The following CAMSAP2 variants were observed in gnomAD, a reference collection of about 807,000 sequenced individuals.
CAMSAP2 encodes calmodulin-regulated spectrin-associated protein 2.
CAMSAP2 carries 26 observed loss-of-function variants against 146.1 expected under a neutral mutation model. The ratio of observed to expected loss-of-function variants is 0.18; its 90% confidence interval spans 0.13 to 0.25. CAMSAP2 has a LOEUF of 0.25. CAMSAP2 is among the 10% of genes least tolerant of loss of function. The pLI, the probability that CAMSAP2 is intolerant of heterozygous loss-of-function variation, is 1.00. For synonymous variants in CAMSAP2, 499 were observed against 596.6 expected, an observed-to-expected ratio of 0.84 and a Z score of 2.38; for missense variants, 1,381 against 1,759.3, an observed-to-expected ratio of 0.78 and a Z score of 3.85.
chr1:200,849,277 T>A lies in CAMSAP2; in HGVS notation c.2508T>A (p.Asp836Glu). Residue 836 changes from aspartate (D) to glutamate (E), a missense_variant, in exon 11 of 17, where the codon GAT (aspartate) becomes GAA (glutamate). Transcript: ENST00000358823. The surrounding 1 kb of genome is among the most constrained non-coding windows in gnomAD (Gnocchi z 6.3). ...TDGQRSKSLA[D>E]IKESMENPQA... is the part of the protein sequence containing the mutation. Reference sequence around the variant, plus strand: ...GACAAAGGAGCAAGTCACTGGCAGATATAAAAGAGAGCATGGAGAATCCTC... The same window carrying A: ...GACAAAGGAGCAAGTCACTGGCAGAAATAAAAGAGAGCATGGAGAATCCTC... The A allele has an allele frequency of 6.2e-7, 1 of 1,613,872 alleles. No homozygotes were observed.
intron 11 of CAMSAP2, among the ~76,000 whole-genome samples, chr1:200,851,354 C>G (rs1195027866): frequency 6.6e-6 from 1 of 152,156 alleles, no homozygotes; most frequent in Non-Finnish European, 1.5e-5. Context: ...GCATGCACCA[C>G]AAAATAAATT....
At chr1:200,843,086 G>C (rs1667368068) in intron 7 of CAMSAP2, among the ~76,000 whole-genome samples, 1 of 151,950 alleles carries the variant, frequency 6.6e-6, no homozygotes. Context: ...ATAACTTATG[G>C]AAACATTTCT....
At position 200,739,756 on chromosome 1, in the gene CAMSAP2, C is replaced by G. The variant is rs773514721; in HGVS notation, c.-72C>G. 204 of 1,511,862 alleles carry G rather than the reference C, an allele frequency of 1.3e-4. No individual in the cohort carries two copies. The highest frequency in any genetic ancestry group is 1.8e-4 in the Non-Finnish European group (196 of 1,114,766). The allele number at this position is 1,511,862 out of a possible 1,614,324, so 93.7% of individuals were successfully genotyped here. A position where few individuals can be genotyped will look rare whatever the true frequency, so the allele number is the denominator to read the frequency against. ...TTTGAGCTTGCTTCTCCCTCCCTCC[C>G]GACCCCCGTGGTGGCGAGGCCACGC... On this transcript the variant is annotated 5_prime_UTR_variant, in exon 1 of 17. Coordinates refer to ENST00000358823, the MANE Select transcript of CAMSAP2 (RefSeq NM_203459.4). This position sits in a 1 kb window ranked among gnomAD's most constrained non-coding sequence, Gnocchi z 4.8.
intron 2 of CAMSAP2, among the ~76,000 whole-genome samples, chr1:200,795,853 G>T (rs1038517719): frequency 6.6e-6 from 1 of 152,062 alleles, no homozygotes. Context: ...CTAAAAATTT[G>T]GGCAGAATTA....
At chr1:200,842,894 T>C (rs1053439210) in intron 7 of CAMSAP2, among the ~76,000 whole-genome samples, 14 of 151,130 alleles carry the variant, frequency 9.3e-5, no homozygotes, top group African/African-American at 3.4e-4. Flanking sequence ...TAGAGTTACT[T>C]GAACCCAGGA....
chr1:200,786,809 G>A (rs573782360), intron 2 of CAMSAP2, among the ~76,000 whole-genome samples: 2 of 152,200 alleles, frequency 1.3e-5, no homozygotes, highest in African/African-American at 2.4e-5. Context: ...TGACTGTTTT[G>A]TTATGGGCTA....
intron 10 of CAMSAP2, 124 bp downstream of exon 10, chr1:200,847,833 G>A (rs1667500358): frequency 1.1e-6 from 1 of 936,736 alleles, no homozygotes; most frequent in Non-Finnish European, 1.6e-6. Context: ...TTTGAAAAAG[G>A]CAGTATAGGC....
At position 200,848,086 on chromosome 1, in the gene CAMSAP2, A is replaced by G; in HGVS notation, c.1317A>G (p.Val439=). ...TTTCTTTTGATAAAGAAGATAGTGTACAGAGATCCACTCCAAACCGAGGAA... is the reference window on the plus strand; with the variant it reads ...TTTCTTTTGATAAAGAAGATAGTGTGCAGAGATCCACTCCAAACCGAGGAA... The part of the protein sequence containing the change: ...FDISFDKEDS[V]QRSTPNRGIT... The change falls in exon 11 of 17, where the codon GTA becomes GTG. Residue 439 remains valine, a synonymous_variant. Coordinates refer to ENST00000358823, the MANE Select transcript of CAMSAP2 (RefSeq NM_203459.4). The G allele has an allele frequency of 6.2e-7, 1 of 1,602,720 alleles. No individual in the cohort carries two copies. The highest frequency in any genetic ancestry group is 2.2e-5 in the East Asian group (1 of 44,816).
chr1:200,772,852 A>G lies in CAMSAP2; in HGVS notation c.399+11754A>G, dbSNP rs555090239. Among the ~76,000 whole-genome samples, 26 of 152,324 alleles carry G rather than the reference A, an allele frequency of 1.7e-4. No individual in the cohort carries two copies. In the South Asian group the frequency reaches 4.8e-3, roughly 28 times the overall value. Reference sequence around the variant, plus strand: ...TTGAAGTTTGTCTAATCTCTATGGTATACTGCTGCCAGATTAATTTTCCTG... The same window carrying G: ...TTGAAGTTTGTCTAATCTCTATGGTGTACTGCTGCCAGATTAATTTTCCTG... On this transcript the variant is annotated intron_variant, in intron 2 of 16. Coordinates refer to ENST00000358823, the MANE Select transcript of CAMSAP2 (RefSeq NM_203459.4).
chr1:200,761,198 T>G (rs147618719), intron 2 of CAMSAP2, 100 bp downstream of exon 2: 2 of 1,157,672 alleles, frequency 1.7e-6, no homozygotes, highest in African/African-American at 1.5e-5. Flanking sequence ...TGAAATTGGA[T>G]TGTATTTTTG....
At position 200,832,203 on chromosome 1, in the gene CAMSAP2, C is replaced by G; in HGVS notation, c.649C>G (p.Arg217Gly). 3 of 1,600,026 alleles carry G rather than the reference C, an allele frequency of 1.9e-6. No homozygotes were observed. The highest frequency in any genetic ancestry group is 2.6e-6 in the Non-Finnish European group (3 of 1,174,804). The change falls in exon 5 of 17, where the codon CGT becomes GGT. Residue 217 changes from arginine (R) to glycine (G), a missense_variant. This residue lies in a region of CAMSAP2 where 284 missense variants were observed against 406.9 expected (regional missense o/e 0.70). Coordinates refer to ENST00000358823, the MANE Select transcript of CAMSAP2 (RefSeq NM_203459.4). The surrounding 1 kb of genome is among the most constrained non-coding windows in gnomAD (Gnocchi z 4.2). ...ATGTATTTTTTTTATATCGTAGGCT[C>G]GTTATCGGAAAGAGCAAACATTGCT... ...TVEAPGGQKA[R>G]YRKEQTLLKQ...
intron 12 of CAMSAP2, among the ~76,000 whole-genome samples, chr1:200,852,969 T>TA (rs979987955): frequency 1.3e-5 from 2 of 150,672 alleles, no homozygotes; most frequent in African/African-American, 4.9e-5. Context: ...ATTATATGTT[T>TA]AAAAAACATT....
In CAMSAP2 at chr1:200,760,884, A is replaced by G. The variant is rs1664780365; in HGVS notation, c.185A>G (p.Tyr62Cys). The G allele has an allele frequency of 2.5e-6, 4 of 1,614,136 alleles. No homozygotes were observed. Among genetic ancestry groups the G allele is most frequent in the Non-Finnish European group, 3.4e-6 (4 of 1,179,966 alleles). ...CAAGAACCATTTTACACAGATCAGT[A>G]TGACCAGGAACACATCAAACCACCT... The part of the protein sequence containing the change: ...ELQEPFYTDQ[Y>C]DQEHIKPPVV... Residue 62 changes from tyrosine (Y) to cysteine (C), a missense_variant, in exon 2 of 17, where the codon TAT (tyrosine) becomes TGT (cysteine). Physicochemically the swap from Tyr to Cys is radical, Grantham distance 194. Transcript: ENST00000358823.
At chr1:200,835,712 T>C (rs925440351) in intron 6 of CAMSAP2, among the ~76,000 whole-genome samples, 16 of 152,222 alleles carry the variant, frequency 1.1e-4, no homozygotes, top group Admixed American at 6.5e-4. Flanking sequence ...ATATATCTTG[T>C]AATGCTTTTT....
intron 4 of CAMSAP2, among the ~76,000 whole-genome samples, chr1:200,826,126 A>G (rs1433827475): frequency 1.3e-5 from 2 of 152,072 alleles, no homozygotes; most frequent in African/African-American, 2.4e-5. Context: ...TGGATCTGCA[A>G]CAGCTAGGAG....
At chr1:200,814,444 T>C (rs866977846) in intron 3 of CAMSAP2, among the ~76,000 whole-genome samples, 171 of 151,596 alleles carry the variant, frequency 1.1e-3, no homozygotes, top group African/African-American at 4.0e-3. Context: ...CCATCTCTAC[T>C]AGAAATATTT....
chr1:200,753,128 C>G (rs970784704), intron 1 of CAMSAP2, among the ~76,000 whole-genome samples: 4 of 151,908 alleles, frequency 2.6e-5, no homozygotes, highest in Non-Finnish European at 5.9e-5. Flanking sequence ...AAACCCATCT[C>G]TACTAAGTGG....
At chr1:200,785,497 T>TTGTG in intron 2 of CAMSAP2, among the ~76,000 whole-genome samples, 1 of 150,840 alleles carries the variant, frequency 6.6e-6, no homozygotes, top group Non-Finnish European at 1.5e-5. Flanking sequence ...CAAGCGATTC[T>TTGTG]CCTATCTCAG....
At position 200,860,295 on chromosome 1, in the gene CAMSAP2, G is replaced by A. The variant is rs772205105; in HGVS notation, c.*2236G>A. On this transcript the variant is annotated 3_prime_UTR_variant, in exon 17 of 17. Transcript: ENST00000358823. Reference sequence around the variant, plus strand: ...CATTTCATAAAGTCTGAGGATTTTCGTCAACCTTACTGAAACACACTGGTG... The same window carrying A: ...CATTTCATAAAGTCTGAGGATTTTCATCAACCTTACTGAAACACACTGGTG... 14 of 152,478 alleles carry A rather than the reference G, an allele frequency of 9.2e-5. No homozygotes were observed. The highest frequency in any genetic ancestry group is 2.6e-4 in the Admixed American group (4 of 15,250). 9.4% of individuals were successfully genotyped at this position (152,478 alleles called of 1,614,324 possible).
Sources: gnomAD v4.1 joint callset for allele counts (sites outside exome capture counted in the v4.1 genomes callset) on GRCh38, gnomAD v4.1.1 for gene constraint, gnomAD v4.1.1 regional missense constraint, Gnocchi (gnomAD v3.1) non-coding constraint, MANE v1.5 for transcripts, NCBI Gene and HGNC (gene_info 2026-07-23, HGNC 2026-07-21) for gene names.